The following GRM1 variants were observed in gnomAD, a reference collection of about 807,000 sequenced individuals.
GRM1 encodes the protein glutamate metabotropic receptor 1.
Under a neutral mutation model 90.9 loss-of-function variants are expected in GRM1, and 33 were observed. That is an observed-to-expected ratio of 0.36 (90% CI 0.28 to 0.49). The LOEUF (loss-of-function observed/expected upper bound fraction) is 0.49, where lower values mean the gene tolerates loss of function less well. Ranked by LOEUF, GRM1 falls within the 20% of genes least tolerant of loss-of-function variation. The pLI is 0.99. For synonymous variants in GRM1, 700 were observed against 613.2 expected, an observed-to-expected ratio of 1.14 and a Z score of -2.09; for missense variants, 1,190 against 1,534.3, an observed-to-expected ratio of 0.78 and a Z score of 3.75.
chr6:146,119,543 A>G (rs1025903421), intron 1 of GRM1, among the ~76,000 whole-genome samples: 2 of 152,286 alleles, frequency 1.3e-5, no homozygotes, highest in East Asian at 1.9e-4. Flanking sequence ...GGTATTGCCT[A>G]GGTTTTCTTC....
chr6:146,155,086 T>C (rs1777473733), intron 1 of GRM1, among the ~76,000 whole-genome samples: 1 of 152,196 alleles, frequency 6.6e-6, no homozygotes, highest in South Asian at 2.1e-4. Context: ...TCTGGAACTA[T>C]CATGAGTACA....
At chr6:146,202,965 G>A (rs1263491427) in intron 2 of GRM1, among the ~76,000 whole-genome samples, 1 of 152,074 alleles carries the variant, frequency 6.6e-6, no homozygotes, top group Non-Finnish European at 1.5e-5. Context: ...GGAGGCCAAG[G>A]CGGGCGGATC....
At chr6:146,241,650 G>C (rs912943908) in intron 2 of GRM1, among the ~76,000 whole-genome samples, 1 of 152,020 alleles carries the variant, frequency 6.6e-6, no homozygotes, top group Non-Finnish European at 1.5e-5. Context: ...GTTCATTTCT[G>C]ACACTACTTG....
chr6:146,435,891 C>T lies in GRM1; in HGVS notation c.*1095C>T, dbSNP rs896960794. The T allele has an allele frequency of 2.6e-5, 4 of 152,600 alleles. No individual in the cohort carries two copies. Among genetic ancestry groups the T allele is most frequent in the South Asian group, 2.1e-4 (1 of 4,828 alleles). The allele number at this position is 152,600 out of a possible 1,614,324, so 9.5% of individuals were successfully genotyped here. On this transcript the variant is annotated 3_prime_UTR_variant, in exon 8 of 8. Transcript: ENST00000282753. Reference sequence around the variant, plus strand: ...CAATTTGGTGCCATTATTTCTCCTACGTATTAGAGAAACAAATCCATCTTT... The same window carrying T: ...CAATTTGGTGCCATTATTTCTCCTATGTATTAGAGAAACAAATCCATCTTT...
At chr6:146,089,753 C>G (rs1035738750) in intron 1 of GRM1, among the ~76,000 whole-genome samples, 4 of 151,984 alleles carry the variant, frequency 2.6e-5, no homozygotes, top group Middle Eastern at 3.2e-3. Flanking sequence ...GTAAGCGTAT[C>G]CTTTTTCTTT....
chr6:146,284,084 G>A (rs145503351), intron 2 of GRM1, among the ~76,000 whole-genome samples: 33 of 152,328 alleles, frequency 2.2e-4, no homozygotes, highest in African/African-American at 5.1e-4. Context: ...ACAGCAGACA[G>A]CAGAACATCA....
chr6:146,133,697 A>G (rs1465176248), intron 1 of GRM1, among the ~76,000 whole-genome samples: 2 of 152,152 alleles, frequency 1.3e-5, no homozygotes, highest in East Asian at 3.9e-4. Flanking sequence ...CCTGGGACCC[A>G]ACTGCATGTG....
At chr6:146,381,006 G>A (rs1776298840) in intron 5 of GRM1, among the ~76,000 whole-genome samples, 1 of 152,146 alleles carries the variant, frequency 6.6e-6, no homozygotes, top group Non-Finnish European at 1.5e-5. Context: ...GCAAGACAAT[G>A]TCCTCCCAAC....
At chr6:146,342,176 C>G (rs1785007842) in intron 3 of GRM1, among the ~76,000 whole-genome samples, 1 of 152,092 alleles carries the variant, frequency 6.6e-6, no homozygotes, top group Non-Finnish European at 1.5e-5. Flanking sequence ...GAGCTTCTTT[C>G]CAAATTAGTT....
At chr6:146,043,794 T>TATATAGAGATATAG (rs1562424344) in intron 1 of GRM1, among the ~76,000 whole-genome samples, 1 of 136,844 alleles carries the variant, frequency 7.3e-6, no homozygotes, top group African/African-American at 2.6e-5. Context: ...TATATATATA[T>TATATAGAGATATAG]ATATATATAT....
intron 5 of GRM1, among the ~76,000 whole-genome samples, chr6:146,386,143 T>C (rs772935563): frequency 2.3e-4 from 35 of 152,256 alleles, no homozygotes; most frequent in Middle Eastern, 3.4e-3. Flanking sequence ...AATTGTGTGC[T>C]GTCTACAAGA....
Position 146,323,295 on chromosome 6 carries a change from A to G in GRM1, c.1186+18449A>G, listed in dbSNP as rs549021992. ...ATGATTGCCATTCTAACTGGTGTGA[A>G]ATGATATCTCATTGTGGTTTTGATT... On this transcript the variant is annotated intron_variant, in intron 3 of 7. Coordinates refer to ENST00000282753, the MANE Select transcript of GRM1 (RefSeq NM_001278064.2). Among the ~76,000 whole-genome samples the G allele has an allele frequency of 4.6e-5, 7 of 152,278 alleles. No homozygotes were observed. The South Asian group carries it at 8.3e-4, about 18-fold the overall frequency.
chr6:146,362,664 CA>C (rs11432508), intron 5 of GRM1, among the ~76,000 whole-genome samples: 8,683 of 85,656 alleles, frequency 0.1, 135 homozygotes, highest in South Asian at 0.15. Flanking sequence ...GACTCCATCT[CA>C]AAAAAAAAAA....
At chr6:146,418,796 C>A (rs1393065402) in intron 7 of GRM1, among the ~76,000 whole-genome samples, 5 of 152,050 alleles carry the variant, frequency 3.3e-5, no homozygotes, top group Non-Finnish European at 7.4e-5. Context: ...GGCCATATGT[C>A]TTTGTACCTA....
intron 7 of GRM1, among the ~76,000 whole-genome samples, chr6:146,403,871 A>C (rs1402476122): frequency 6.6e-6 from 1 of 152,128 alleles, no homozygotes; most frequent in African/African-American, 2.4e-5. Context: ...GTACACTGTA[A>C]TATTTCAATA....
intron 1 of GRM1, among the ~76,000 whole-genome samples, chr6:146,080,167 C>T (rs1366862021): frequency 6.6e-6 from 1 of 152,158 alleles, no homozygotes; most frequent in African/African-American, 2.4e-5. Flanking sequence ...TGATTTGACT[C>T]TGTTACTGTG....
At chr6:146,337,941 T>A (rs540283593) in intron 3 of GRM1, among the ~76,000 whole-genome samples, 1 of 152,304 alleles carries the variant, frequency 6.6e-6, no homozygotes, top group South Asian at 2.1e-4. Flanking sequence ...CTGGTCAGGA[T>A]GTGGTAAAAT....
intron 1 of GRM1, among the ~76,000 whole-genome samples, chr6:146,115,869 C>T (rs1775723615): frequency 6.6e-6 from 1 of 152,084 alleles, no homozygotes; most frequent in Non-Finnish European, 1.5e-5. Flanking sequence ...TGCAAAATGA[C>T]ATTGATTTTC....
chr6:146,432,631 TTCTC>T (rs1414686729), intron 7 of GRM1, among the ~76,000 whole-genome samples: 39 of 152,344 alleles, frequency 2.6e-4, no homozygotes, highest in African/African-American at 7.9e-4. Context: ...TTATGCTACT[TTCTC>T]TGTCATTTTA....
Sources: allele counts gnomAD v4.1 joint callset (sites outside exome capture counted in the v4.1 genomes callset), GRCh38; gene constraint gnomAD v4.1.1; transcripts MANE v1.5; gene names NCBI Gene and HGNC (gene_info 2026-07-23, HGNC 2026-07-21).